TXNL4A: variants seen among roughly 807,000 people sequenced by gnomAD.
TXNL4A encodes the protein thioredoxin-like protein 4A.
In TXNL4A, 17 loss-of-function variants were observed where a neutral mutation model predicts 14.6. That is an observed-to-expected ratio of 1.16 (90% CI 0.80 to 1.74). The LOEUF (loss-of-function observed/expected upper bound fraction) is 1.74, where lower values mean the gene tolerates loss of function less well. TXNL4A is among the 40% of genes most tolerant of loss of function. The pLI, the probability that TXNL4A is intolerant of heterozygous loss-of-function variation, is 0.00. For synonymous variants in TXNL4A, 83 were observed against 70.6 expected, an observed-to-expected ratio of 1.18 and a Z score of -0.88; for missense variants, 74 against 195.2, an observed-to-expected ratio of 0.38 and a Z score of 3.70.
intron 1 of TXNL4A, among the ~76,000 whole-genome samples, chr18:80,001,691 G>A (rs190184140): frequency 9.9e-5 from 15 of 152,272 alleles, no homozygotes; most frequent in Non-Finnish European, 1.8e-4. Context: ...ACTGGATTTC[G>A]GACTTGCATG....
intron 1 of TXNL4A, among the ~76,000 whole-genome samples, chr18:80,027,544 A>C (rs1259723228): frequency 6.6e-6 from 1 of 152,240 alleles, no homozygotes; most frequent in African/African-American, 2.4e-5. Context: ...ACTTGGAAAG[A>C]AGGGCAATAT....
At chr18:79,994,041 C>T (rs150746245) in intron 1 of TXNL4A, among the ~76,000 whole-genome samples, 3 of 152,280 alleles carry the variant, frequency 2.0e-5, no homozygotes, top group South Asian at 2.1e-4. Flanking sequence ...CGAAGGGGAA[C>T]TTTAAATTAT....
rs141688427 is a variant in TXNL4A, at chr18:80,029,045, G to A, written c.-61+4806C>T. ...AACCCGAAACACTTAGAAACATGTT[G>A]AAAGAAACCCAGAGCAGAGCTCCTG... On this transcript the variant is annotated intron_variant, in intron 1 of 2. Coordinates refer to the TXNL4A transcript ENST00000585474. Among the ~76,000 whole-genome samples, 574 of 152,278 alleles carry A rather than the reference G, an allele frequency of 3.8e-3. 3 individuals are homozygous for A. The highest frequency in any genetic ancestry group is 0.013 in the African/African-American group (550 of 41,560).
Position 79,988,327 on chromosome 18 carries a change from C to T in TXNL4A, c.66G>A (p.Glu22=). The T allele has an allele frequency of 6.3e-7, 1 of 1,593,100 alleles. No homozygotes were observed. Among genetic ancestry groups the T allele is most frequent in the Non-Finnish European group, 8.6e-7 (1 of 1,169,450 alleles). Residue 22 remains glutamate (E), a synonymous_variant, in exon 1 of 3, where the codon GAG becomes GAA. Coordinates refer to ENST00000269601, the MANE Select transcript of TXNL4A (RefSeq NM_006701.5). ...WQVDQAILSE[E]DRVVVIRFGH... ...CGAAGCGGATGACGACCACGCGGTC[C>T]TCCTCCGAGAGGATGGCCTGGTCCA...
intron 1 of TXNL4A, among the ~76,000 whole-genome samples, chr18:79,986,203 C>T (rs2051545354): frequency 6.6e-6 from 1 of 152,070 alleles, no homozygotes; most frequent in Admixed American, 6.6e-5. Context: ...CCACGCCCGG[C>T]ATTTGTACTT....
At chr18:80,030,039 T>C (rs1252397694) in intron 1 of TXNL4A, among the ~76,000 whole-genome samples, 1 of 152,216 alleles carries the variant, frequency 6.6e-6, no homozygotes, top group Non-Finnish European at 1.5e-5. Context: ...TATTGACTAA[T>C]CTATGTCCCA....
intron 1 of TXNL4A, among the ~76,000 whole-genome samples, chr18:79,987,879 G>C (rs1157855849): frequency 1.3e-5 from 2 of 152,242 alleles, no homozygotes; most frequent in East Asian, 3.8e-4. Flanking sequence ...ACCAAAAAAA[G>C]ACGTCCTTTT....
At chr18:80,025,075 A>G (rs924948115) in intron 1 of TXNL4A, among the ~76,000 whole-genome samples, 2 of 152,230 alleles carry the variant, frequency 1.3e-5, no homozygotes, top group East Asian at 3.8e-4. Context: ...GCAGATTCTA[A>G]GTTACAATGA....
intron 1 of TXNL4A, among the ~76,000 whole-genome samples, chr18:80,024,596 C>T (rs2051872116): frequency 6.6e-6 from 1 of 152,174 alleles, no homozygotes. Context: ...CCTTGCTTCC[C>T]TCAGCCTTCC....
At chr18:80,010,389 C>T (rs1198940577) in intron 1 of TXNL4A, among the ~76,000 whole-genome samples, 1 of 152,088 alleles carries the variant, frequency 6.6e-6, no homozygotes. Flanking sequence ...GGCCCAGCAC[C>T]AGTTAGAAGA....
chr18:79,971,878 G>A lies in TXNL4A; in HGVS notation c.*1807C>T, dbSNP rs2051305967. 6.6e-6 allele frequency: 1 copy of A among 152,148 alleles called. No individual in the cohort carries two copies. The highest frequency in any genetic ancestry group is 1.5e-5 in the Non-Finnish European group (1 of 68,036). The allele number at this position is 152,148 out of a possible 1,614,324, so 9.4% of individuals were successfully genotyped here. ...TTTCACCTGCTCTGGAGAAATAGCAGGAGTGTAATACTGAGTGTCTGTTAC... is the reference window on the plus strand; with the variant it reads ...TTTCACCTGCTCTGGAGAAATAGCAAGAGTGTAATACTGAGTGTCTGTTAC... On this transcript the variant is annotated 3_prime_UTR_variant, in exon 3 of 3. Transcript: ENST00000269601.
intron 2 of TXNL4A, among the ~76,000 whole-genome samples, chr18:79,975,780 A>T (rs1359822326): frequency 6.6e-6 from 1 of 152,140 alleles, no homozygotes; most frequent in Non-Finnish European, 1.5e-5. Context: ...AGAGCTCAAA[A>T]GCAACACACT....
intron 1 of TXNL4A, among the ~76,000 whole-genome samples, chr18:80,031,903 A>C (rs1039715759): frequency 6.6e-6 from 1 of 152,264 alleles, no homozygotes; most frequent in African/African-American, 2.4e-5. Context: ...TTGGTGGCAC[A>C]AGCTAGTGCT....
intron 1 of TXNL4A, among the ~76,000 whole-genome samples, chr18:80,003,944 C>T (rs191847757): frequency 1.9e-4 from 29 of 152,252 alleles, no homozygotes; most frequent in Admixed American, 2.6e-4. Context: ...CCCCACGATC[C>T]GGTCACCTCC....
At chr18:80,027,868 C>T (rs2051895251) in intron 1 of TXNL4A, among the ~76,000 whole-genome samples, 1 of 152,232 alleles carries the variant, frequency 6.6e-6, no homozygotes, top group Non-Finnish European at 1.5e-5. Context: ...GGAATTTTAG[C>T]TTTCCCAATG....
In TXNL4A at chr18:80,022,729, G is replaced by A. The variant is rs966968482; in HGVS notation, c.-61+11122C>T. 4.5e-4 allele frequency among the ~76,000 whole-genome samples: 68 copies of A among 152,180 alleles called. 1 individual carries two copies. Among genetic ancestry groups the A allele is most frequent in the African/African-American group, 1.6e-3 (65 of 41,430 alleles). On this transcript the variant is annotated intron_variant, in intron 1 of 2. Transcript: ENST00000585474. ...CCCTTCCTTGCTTTGGCGTGACCAA[G>A]GGTGGAAGGAAAGAGAGAAAAGGTG...
At chr18:80,004,303 A>G (rs1178424310) in intron 1 of TXNL4A, among the ~76,000 whole-genome samples, 2 of 152,102 alleles carry the variant, frequency 1.3e-5, no homozygotes, top group Non-Finnish European at 2.9e-5. Flanking sequence ...ACCACCACCC[A>G]AAGCCTGGAC....
intron 1 of TXNL4A, among the ~76,000 whole-genome samples, chr18:79,994,292 A>G (rs186226513): frequency 6.6e-6 from 1 of 152,282 alleles, no homozygotes; most frequent in Admixed American, 6.5e-5. Flanking sequence ...CACAAAAACT[A>G]AGAAACCGGA....
intron 1 of TXNL4A, among the ~76,000 whole-genome samples, chr18:80,010,756 C>G (rs1234636114): frequency 6.6e-6 from 1 of 152,198 alleles, no homozygotes; most frequent in Non-Finnish European, 1.5e-5. Context: ...CACAACGCCA[C>G]GTGCTAGTTC....
Sources: gnomAD v4.1 joint callset for allele counts (sites outside exome capture counted in the v4.1 genomes callset) on GRCh38, gnomAD v4.1.1 for gene constraint, MANE v1.5 for transcripts, NCBI Gene and HGNC (gene_info 2026-07-23, HGNC 2026-07-21) for gene names.